The following TRHDE variants were observed in gnomAD, a reference collection of about 807,000 sequenced individuals.
TRHDE encodes thyrotropin-releasing hormone-degrading ectoenzyme.
A neutral mutation model predicts 125.7 loss-of-function variants in TRHDE; 72 were observed. The observed-to-expected ratio is 0.57, with a 90% CI of 0.47 to 0.70. The LOEUF is 0.70. TRHDE is among the 30% of genes least tolerant of loss of function. The pLI is 0.00. For missense variants in TRHDE, 1,110 were observed against 1,327.1 expected (o/e 0.84, Z 2.54); for synonymous variants, 509 against 509.1 (o/e 1.00, Z 0.00).
chr12:72,366,345 C>T (rs1160286870), intron 2 of TRHDE, among the ~76,000 whole-genome samples: 1 of 152,022 alleles, frequency 6.6e-6, no homozygotes, highest in Non-Finnish European at 1.5e-5. Context: ...TTGTAAATTC[C>T]ACAGCTTAGT....
chr12:72,536,092 A>G (rs1868844128), intron 6 of TRHDE, among the ~76,000 whole-genome samples: 1 of 152,130 alleles, frequency 6.6e-6, no homozygotes, highest in East Asian at 1.9e-4. Context: ...AGAGCAAACC[A>G]TTAAGCTAAG....
At chr12:72,433,832 C>T (rs1373120778) in intron 3 of TRHDE, among the ~76,000 whole-genome samples, 1 of 151,344 alleles carries the variant, frequency 6.6e-6, no homozygotes, top group East Asian at 1.9e-4. Context: ...AAAGAAGGCT[C>T]TTAATCTCTT....
At chr12:72,177,707 C>T (rs747377974) in intron 2 of TRHDE, among the ~76,000 whole-genome samples, 6 of 151,824 alleles carry the variant, frequency 4.0e-5, no homozygotes, top group South Asian at 2.1e-4. Context: ...TTAAACTGCA[C>T]GGCTGCCTGA....
chr12:72,466,083 T>C (rs1164176500), intron 3 of TRHDE, among the ~76,000 whole-genome samples: 1 of 152,190 alleles, frequency 6.6e-6, no homozygotes, highest in African/African-American at 2.4e-5. Flanking sequence ...TACCTTTCGA[T>C]ACCAGTATGT....
chr12:72,630,479 G>A (rs1164885812), intron 15 of TRHDE, among the ~76,000 whole-genome samples: 6 of 151,638 alleles, frequency 4.0e-5, no homozygotes, highest in East Asian at 1.9e-4. Context: ...TCAGACCAGC[G>A]AGAGAATAAA....
intron 7 of TRHDE, among the ~76,000 whole-genome samples, chr12:72,545,560 T>C (rs1015830872): frequency 4.6e-5 from 7 of 151,604 alleles, no homozygotes; most frequent in Non-Finnish European, 1.0e-4. Flanking sequence ...GTAAACTAGA[T>C]ATGCAAGAGT....
intron 12 of TRHDE, among the ~76,000 whole-genome samples, chr12:72,587,859 G>T (rs546150677): frequency 6.6e-6 from 1 of 151,638 alleles, no homozygotes; most frequent in Non-Finnish European, 1.5e-5. Flanking sequence ...TTAATTTGTT[G>T]GTCTGTTTTT....
Position 72,120,913 on chromosome 12 carries a change from C to T in TRHDE, n.279+15161C>T, listed in dbSNP as rs575280475. On this transcript the variant is annotated intron_variant and non_coding_transcript_variant, in intron 2 of 4. Coordinates refer to the TRHDE transcript ENST00000548156. ...CAAAATGGTCTCGATCTCCTGATCT[C>T]GTGGTCTGCCCCACTCAGCCTCCCA... is the stretch of plus-strand genomic sequence containing the variant. 5.7e-3 allele frequency among the ~76,000 whole-genome samples: 860 copies of T among 152,052 alleles called. 4 individuals are homozygous for T. The highest frequency in any genetic ancestry group is 0.02 in the African/African-American group (818 of 41,502).
At chr12:72,309,269 G>A (rs771770070) in intron 2 of TRHDE, among the ~76,000 whole-genome samples, 23 of 152,174 alleles carry the variant, frequency 1.5e-4, no homozygotes, top group Admixed American at 4.6e-4. Context: ...GAGAGAGATC[G>A]TCTACTCTTT....
intron 2 of TRHDE, among the ~76,000 whole-genome samples, chr12:72,107,579 G>A (rs533381440): frequency 1.1e-3 from 171 of 152,156 alleles, no homozygotes; most frequent in Non-Finnish European, 2.0e-3. Flanking sequence ...AGATTGGACT[G>A]TTCTCTGTTT....
chr12:72,412,650 G>C (rs1005313989), intron 3 of TRHDE, among the ~76,000 whole-genome samples: 2 of 152,028 alleles, frequency 1.3e-5, no homozygotes, highest in East Asian at 3.9e-4. Flanking sequence ...CCAAACACCA[G>C]AAAGAACTCG....
chr12:72,630,197 T>G (rs1873435426), intron 15 of TRHDE, among the ~76,000 whole-genome samples: 1 of 151,714 alleles, frequency 6.6e-6, no homozygotes, highest in Non-Finnish European at 1.5e-5. Flanking sequence ...TCCCCACATG[T>G]AAATGTGATT....
intron 2 of TRHDE, among the ~76,000 whole-genome samples, chr12:72,237,894 C>G (rs1188192034): frequency 6.6e-6 from 1 of 152,020 alleles, no homozygotes; most frequent in African/African-American, 2.4e-5. Flanking sequence ...CCATGTAGCA[C>G]AAAGAGCTAG....
chr12:72,361,581 C>T (rs1281742656), intron 2 of TRHDE, among the ~76,000 whole-genome samples: 2 of 150,040 alleles, frequency 1.3e-5, no homozygotes, highest in Non-Finnish European at 3.0e-5. Flanking sequence ...TATTATTATA[C>T]TTTAAGTTTT....
intron 6 of TRHDE, among the ~76,000 whole-genome samples, chr12:72,527,064 T>C (rs964936902): frequency 1.3e-4 from 19 of 151,914 alleles, no homozygotes; most frequent in African/African-American, 4.4e-4. Context: ...ATGCTGCTCT[T>C]ATGCTTATTT....
chr12:72,134,876 T>C lies in TRHDE; in HGVS notation n.279+29124T>C, dbSNP rs149759873. On this transcript the variant is annotated intron_variant and non_coding_transcript_variant, in intron 2 of 4. Coordinates refer to the TRHDE transcript ENST00000548156. Reference sequence around the variant, plus strand: ...TGCATAATTCCAGATAAACAAATGATGAAAGCAATGACTAATAGCTATTGT... The same window carrying C: ...TGCATAATTCCAGATAAACAAATGACGAAAGCAATGACTAATAGCTATTGT... Among the ~76,000 whole-genome samples the C allele has an allele frequency of 1.1e-4, 16 of 152,280 alleles. No individual in the cohort carries two copies. The East Asian group carries it at 2.9e-3, about 28-fold the overall frequency.
chr12:72,100,210 G>A (rs1325446035), intron 1 of TRHDE, among the ~76,000 whole-genome samples: 1 of 152,006 alleles, frequency 6.6e-6, no homozygotes, highest in Non-Finnish European at 1.5e-5. Context: ...ATAAAATAGG[G>A]GCAAAAATAA....
intron 2 of TRHDE, among the ~76,000 whole-genome samples, chr12:72,335,245 C>T (rs531437908): frequency 6.6e-6 from 1 of 152,230 alleles, no homozygotes; most frequent in African/African-American, 2.4e-5. Flanking sequence ...GGGGTAAATT[C>T]TAGATTCTAA....
chr12:72,417,518 T>C (rs1402442980), intron 3 of TRHDE, among the ~76,000 whole-genome samples: 1 of 152,048 alleles, frequency 6.6e-6, no homozygotes, highest in Non-Finnish European at 1.5e-5. Flanking sequence ...ATTCTATCTG[T>C]ACCAAGTATA....
Sources: allele counts gnomAD v4.1 joint callset (sites outside exome capture counted in the v4.1 genomes callset), GRCh38; gene constraint gnomAD v4.1.1; transcripts MANE v1.5; gene names NCBI Gene and HGNC (gene_info 2026-07-23, HGNC 2026-07-21).